EBF1: variants seen among roughly 807,000 people sequenced by gnomAD.
EBF1 encodes EBF transcription factor 1, also known as transcription factor COE1.
EBF1 carries 10 observed loss-of-function variants against 68.4 expected under a neutral mutation model. That is an observed-to-expected ratio of 0.15 (90% CI 0.09 to 0.25). EBF1 has a LOEUF of 0.25. Ranked by LOEUF, EBF1 falls within the 10% of genes least tolerant of loss-of-function variation. The pLI is 1.00. For synonymous variants in EBF1, 298 were observed against 299.8 expected, an observed-to-expected ratio of 0.99 and a Z score of 0.06; for missense variants, 509 against 794.4, an observed-to-expected ratio of 0.64 and a Z score of 4.32.
intron 15 of EBF1, among the ~76,000 whole-genome samples, chr5:158,704,966 A>G (rs1180007181): frequency 1.3e-5 from 2 of 152,220 alleles, no homozygotes. Flanking sequence ...TTGGTATATG[A>G]CAGTACGAGC....
intron 6 of EBF1, among the ~76,000 whole-genome samples, chr5:158,978,797 T>C (rs113563826): frequency 1.2e-3 from 167 of 142,944 alleles, no homozygotes; most frequent in East Asian, 2.2e-3. Context: ...CACACACACA[T>C]ACACACACAC....
chr5:158,969,922 A>AC (rs34413450), intron 6 of EBF1, among the ~76,000 whole-genome samples: 2 of 125,102 alleles, frequency 1.6e-5, no homozygotes, highest in African/African-American at 5.7e-5. Flanking sequence ...GAAAGAAAAA[A>AC]AAAAAAAAGG....
At chr5:158,879,491 T>C (rs1798426365) in intron 6 of EBF1, among the ~76,000 whole-genome samples, 1 of 152,140 alleles carries the variant, frequency 6.6e-6, no homozygotes, top group Admixed American at 6.5e-5. Context: ...GAAGAAGTTA[T>C]ATAGAAAAGA....
intron 6 of EBF1, among the ~76,000 whole-genome samples, chr5:159,024,991 G>A (rs1333198470): frequency 6.6e-6 from 1 of 152,222 alleles, no homozygotes; most frequent in Non-Finnish European, 1.5e-5. Context: ...GTCTATGGCT[G>A]TGAAGGCATT....
rs1755204793 is a variant in EBF1 at position 158,969,910 on chromosome 5, A to AAG, written c.554+103484_554+103485dup. Reference sequence around the variant, plus strand: ...AAAGAAAGAAAGAAAGAAAGAAAGAAAGAAAGAAAAAAAAAAAAAAGGCTG... The same window carrying AAG: ...AAAGAAAGAAAGAAAGAAAGAAAGAAAGAGAAAGAAAAAAAAAAAAAAGGCTG... On this transcript the variant is annotated intron_variant, in intron 6 of 15. Transcript: ENST00000313708. Among the ~76,000 whole-genome samples the AAG allele has an allele frequency of 1.9e-5, 2 of 107,308 alleles. 1 individual carries two copies. Among genetic ancestry groups the AAG allele is most frequent in the South Asian group, 6.0e-4 (2 of 3,320 alleles). 70.4% of individuals were successfully genotyped at this position (107,308 alleles called of 152,430 possible).
chr5:159,030,752 C>G (rs1463098549), intron 6 of EBF1, among the ~76,000 whole-genome samples: 2 of 152,202 alleles, frequency 1.3e-5, no homozygotes, highest in East Asian at 3.8e-4. Flanking sequence ...TTTAAGCCCA[C>G]AGGCCAAATA....
At chr5:159,097,227 C>T in intron 1 of EBF1, 97 bp from the exon 2 acceptor site, 2 of 1,373,930 alleles carry the variant, frequency 1.5e-6, no homozygotes, top group Admixed American at 2.4e-5. Flanking sequence ...ACACCCACCT[C>T]CTCTTCCCCC....
intron 6 of EBF1, among the ~76,000 whole-genome samples, chr5:158,910,890 C>T (rs567411122): frequency 1.3e-5 from 2 of 152,176 alleles, no homozygotes; most frequent in African/African-American, 2.4e-5. Context: ...CACTGCTGTC[C>T]TTGAGTAGTC....
rs367736495 is a variant in EBF1, at chr5:158,735,150, T to C, written c.1037-3993A>G. Among the ~76,000 whole-genome samples the C allele has an allele frequency of 2.6e-5, 4 of 152,106 alleles. No individual in the cohort carries two copies. In the East Asian group the frequency reaches 7.7e-4, roughly 29 times the overall value. On this transcript the variant is annotated intron_variant, in intron 10 of 15. Coordinates refer to ENST00000313708, the MANE Select transcript of EBF1 (RefSeq NM_024007.5). ...CATCATAAGCCCTTTAAAACAAACTTTCCGAAAGGTACACATAATCCAACC... is the reference window on the plus strand; with the variant it reads ...CATCATAAGCCCTTTAAAACAAACTCTCCGAAAGGTACACATAATCCAACC...
intron 6 of EBF1, among the ~76,000 whole-genome samples, chr5:159,043,837 A>G (rs1771758373): frequency 6.6e-6 from 1 of 152,162 alleles, no homozygotes; most frequent in Non-Finnish European, 1.5e-5. Context: ...TCGGCTCACC[A>G]AGACACTACT....
chr5:158,720,343 G>A (rs1761669727), intron 11 of EBF1, among the ~76,000 whole-genome samples: 1 of 152,154 alleles, frequency 6.6e-6, no homozygotes, highest in South Asian at 2.1e-4. Flanking sequence ...CCCATTTCCT[G>A]CAGAGCTGGA....
At chr5:159,095,589 G>A (rs1554136969) in intron 4 of EBF1, 31 bp downstream of exon 4, 3 of 1,612,264 alleles carry the variant, frequency 1.9e-6, no homozygotes, top group South Asian at 1.1e-5. Context: ...GTGACATAGA[G>A]CCCCCCGTGG....
chr5:159,059,729 A>T (rs1035985129), intron 6 of EBF1, among the ~76,000 whole-genome samples: 2 of 152,242 alleles, frequency 1.3e-5, no homozygotes, highest in Non-Finnish European at 2.9e-5. Flanking sequence ...TACTGTAATG[A>T]AAAGGGTCTT....
At chr5:158,861,577 C>T (rs1794963768) in intron 6 of EBF1, among the ~76,000 whole-genome samples, 1 of 152,194 alleles carries the variant, frequency 6.6e-6, no homozygotes, top group South Asian at 2.1e-4. Context: ...AACTTGAAAC[C>T]AATGGCACAG....
At chr5:159,030,913 C>T (rs4921101) in intron 6 of EBF1, among the ~76,000 whole-genome samples, 15,851 of 152,160 alleles carry the variant, frequency 0.1, 918 homozygotes, top group Non-Finnish European at 0.14. Context: ...TGGTTCATGC[C>T]TATAATCCCA....
intron 6 of EBF1, among the ~76,000 whole-genome samples, chr5:159,036,319 G>A (rs867432411): frequency 6.6e-6 from 1 of 151,844 alleles, no homozygotes; most frequent in Non-Finnish European, 1.5e-5. Flanking sequence ...AAGTTCATAT[G>A]GAACCAAAAA....
At position 158,856,708 on chromosome 5, in the gene EBF1, G is replaced by A. The variant is rs145343470; in HGVS notation, c.555-16598C>T. ...CACCCTGCCTCCATTCCTGTCCCAG[G>A]GCACCAGGTAAGAAACCAGCTGAAT... is the stretch of plus-strand genomic sequence containing the variant. On this transcript the variant is annotated intron_variant, in intron 6 of 15. Transcript: ENST00000313708. Among the ~76,000 whole-genome samples, 549 of 152,234 alleles carry A rather than the reference G, an allele frequency of 3.6e-3. 5 individuals carry two copies. The highest frequency in any genetic ancestry group is 0.013 in the African/African-American group (527 of 41,524).
chr5:159,015,620 C>T lies in EBF1; in HGVS notation c.554+57776G>A, dbSNP rs1765478857. 2.6e-5 allele frequency among the ~76,000 whole-genome samples: 4 copies of T among 152,196 alleles called. No individual in the cohort carries two copies. The South Asian group carries it at 8.3e-4, about 32-fold the overall frequency. ...CTCCCCATGCCAGGCCAGACCTCTG[C>T]TCCTTAACTTCAGGAACACTGAGAC... On this transcript the variant is annotated intron_variant, in intron 6 of 15. Coordinates refer to ENST00000313708, the MANE Select transcript of EBF1 (RefSeq NM_024007.5).
At chr5:158,710,130 T>G (rs899916003) in intron 14 of EBF1, among the ~76,000 whole-genome samples, 2 of 152,216 alleles carry the variant, frequency 1.3e-5, no homozygotes, top group African/African-American at 4.8e-5. Flanking sequence ...AGGCAAAAAT[T>G]CAAATCAACT....
Sources: gnomAD v4.1 joint callset for allele counts (sites outside exome capture counted in the v4.1 genomes callset) on GRCh38, gnomAD v4.1.1 for gene constraint, MANE v1.5 for transcripts, NCBI Gene and HGNC (gene_info 2026-07-23, HGNC 2026-07-21) for gene names.